The following RABGAP1L variants were observed in gnomAD, a reference collection of about 807,000 sequenced individuals.
RABGAP1L encodes RAB GTPase activating protein 1 like.
A neutral mutation model predicts 137.7 loss-of-function variants in RABGAP1L; 63 were observed. That is an observed-to-expected ratio of 0.46 (90% CI 0.37 to 0.56). The LOEUF (loss-of-function observed/expected upper bound fraction) is 0.56. Among genes scored for constraint, RABGAP1L ranks in the 20% least tolerant of loss-of-function variants. The pLI is 0.00. For synonymous variants in RABGAP1L, 431 were observed against 433.7 expected, an observed-to-expected ratio of 0.99 and a Z score of 0.08; for missense variants, 1,095 against 1,244.0, an observed-to-expected ratio of 0.88 and a Z score of 1.80.
At chr1:174,957,855 C>A (rs763786481) in intron 20 of RABGAP1L, 59 of 1,532,412 alleles carry the variant, frequency 3.9e-5, no homozygotes, top group Non-Finnish European at 5.0e-5. Context: ...TCAGGAGACT[C>A]CCAAATAGCC....
chr1:174,426,930 A>G (rs992463762), intron 13 of RABGAP1L, among the ~76,000 whole-genome samples: 1 of 152,118 alleles, frequency 6.6e-6, no homozygotes, highest in Non-Finnish European at 1.5e-5. Flanking sequence ...TGGGAAGATC[A>G]GTCAATCATA....
intron 12 of RABGAP1L, among the ~76,000 whole-genome samples, chr1:174,373,530 A>G (rs1685274711): frequency 1.3e-5 from 2 of 152,192 alleles, no homozygotes; most frequent in African/African-American, 4.8e-5. Flanking sequence ...GCTTAGAATT[A>G]TGAGGATCCT....
At chr1:174,778,210 C>T (rs1468542464) in intron 18 of RABGAP1L, among the ~76,000 whole-genome samples, 1 of 152,166 alleles carries the variant, frequency 6.6e-6, no homozygotes, top group African/African-American at 2.4e-5. Context: ...AAAAGTATAT[C>T]AGCAGATTTC....
At chr1:174,355,839 A>G (rs931085023) in intron 11 of RABGAP1L, among the ~76,000 whole-genome samples, 1 of 152,174 alleles carries the variant, frequency 6.6e-6, no homozygotes, top group African/African-American at 2.4e-5. Flanking sequence ...TGGGAAAGAA[A>G]TCATTTGAGT....
intron 13 of RABGAP1L, among the ~76,000 whole-genome samples, chr1:174,584,185 A>G (rs1470119827): frequency 6.6e-6 from 1 of 152,210 alleles, no homozygotes; most frequent in Non-Finnish European, 1.5e-5. Context: ...GGCAATGTCA[A>G]CATAATCAGA....
chr1:174,270,180 T>A (rs1181593162), intron 7 of RABGAP1L, among the ~76,000 whole-genome samples: 1 of 150,420 alleles, frequency 6.6e-6, no homozygotes, highest in Non-Finnish European at 1.5e-5. Context: ...AAGGTCATGC[T>A]GGTTGGTGGC....
rs146282371 is a variant in RABGAP1L at position 174,362,437 on chromosome 1, G to A, written c.1466-8542G>A. 9.0e-3 allele frequency among the ~76,000 whole-genome samples: 1,371 copies of A among 151,972 alleles called. 25 individuals carry two copies. Among genetic ancestry groups the A allele is most frequent in the African/African-American group, 0.032 (1,322 of 41,380 alleles). On this transcript the variant is annotated intron_variant, in intron 11 of 25. Transcript: ENST00000681986. ...TTTCTTTTTCTCCACAACCTTGCCA[G>A]CATGTGTTATTTTTGACTTTTTAAT...
At chr1:174,797,006 CA>C (rs11339856) in intron 18 of RABGAP1L, among the ~76,000 whole-genome samples, 144,126 of 148,718 alleles carry the variant, frequency 0.97, 69,842 homozygotes, top group East Asian at 0.99. Context: ...GACTCTGTCT[CA>C]AAAAAAAAAA....
At chr1:174,971,731 G>A (rs537539586) in intron 21 of RABGAP1L, among the ~76,000 whole-genome samples, 32 of 152,324 alleles carry the variant, frequency 2.1e-4, no homozygotes, top group Non-Finnish European at 3.7e-4. Flanking sequence ...CTTCTAGGAA[G>A]GGCCCTAGCC....
intron 19 of RABGAP1L, among the ~76,000 whole-genome samples, chr1:174,913,639 T>C (rs1405083536): frequency 6.6e-6 from 1 of 152,204 alleles, no homozygotes; most frequent in African/African-American, 2.4e-5. Flanking sequence ...TTGCCTGCCA[T>C]GGTCGTATTT....
chr1:174,945,190 A>G (rs1483016699), intron 19 of RABGAP1L, among the ~76,000 whole-genome samples: 4 of 152,198 alleles, frequency 2.6e-5, no homozygotes, highest in Admixed American at 1.3e-4. Context: ...ATATCTGTTT[A>G]TTCTACTCCC....
intron 11 of RABGAP1L, among the ~76,000 whole-genome samples, chr1:174,328,002 T>TACATAC (rs1558136395): frequency 2.4e-5 from 3 of 122,994 alleles, no homozygotes; most frequent in African/African-American, 1.3e-4. Flanking sequence ...TATATATATA[T>TACATAC]ATATATATAT....
chr1:174,633,442 A>C (rs1172783244), intron 13 of RABGAP1L, among the ~76,000 whole-genome samples: 1 of 151,584 alleles, frequency 6.6e-6, no homozygotes, highest in Non-Finnish European at 1.5e-5. Context: ...CAATATCGTG[A>C]AAATGGCCAT....
chr1:174,905,761 G>C (rs181986543), intron 19 of RABGAP1L, among the ~76,000 whole-genome samples: 40 of 152,240 alleles, frequency 2.6e-4, no homozygotes, highest in African/African-American at 8.2e-4. Flanking sequence ...TGAGGCAGGA[G>C]AATCACTTGA....
chr1:174,935,276 G>A (rs1016335934), intron 19 of RABGAP1L: 11 of 152,052 alleles, frequency 7.2e-5, no homozygotes, highest in African/African-American at 2.7e-4. Context: ...CAAAATTTTT[G>A]TAAATATCTT....
chr1:174,236,020 T>C (rs1358427615), intron 4 of RABGAP1L, among the ~76,000 whole-genome samples: 16 of 74,458 alleles, frequency 2.1e-4, no homozygotes, highest in Non-Finnish European at 3.0e-4. Context: ...TCGAGGAATG[T>C]ATCCATTTCT....
chr1:174,195,811 A>ATCCTTCTTTCTTTCTT (rs1667633443), intron 1 of RABGAP1L, among the ~76,000 whole-genome samples: 2 of 36,092 alleles, frequency 5.5e-5, no homozygotes, highest in Non-Finnish European at 5.9e-5. Context: ...CTTTCTTTCT[A>ATCCTTCTTTCTTTCTT]TCCTTCTTTC....
intron 1 of RABGAP1L, among the ~76,000 whole-genome samples, chr1:174,182,331 A>G (rs909336269): frequency 2.0e-5 from 3 of 152,214 alleles, no homozygotes; most frequent in Admixed American, 6.5e-5. Flanking sequence ...TGGTTGAGAG[A>G]AAGTTAGTAA....
chr1:174,807,151 A>G (rs1689382159), intron 18 of RABGAP1L, among the ~76,000 whole-genome samples: 2 of 152,226 alleles, frequency 1.3e-5, no homozygotes, highest in South Asian at 2.1e-4. Flanking sequence ...AAATATGTGT[A>G]AGATATGTAT....
Sources: gnomAD v4.1 joint callset for allele counts (sites outside exome capture counted in the v4.1 genomes callset) on GRCh38, gnomAD v4.1.1 for gene constraint, MANE v1.5 for transcripts, NCBI Gene and HGNC (gene_info 2026-07-23, HGNC 2026-07-21) for gene names.